The following PCP4 variants were observed in gnomAD, a reference collection of about 807,000 sequenced individuals.
PCP4 encodes the protein calmodulin regulator protein PCP4.
Under a neutral mutation model 10.0 loss-of-function variants are expected in PCP4, and 8 were observed. The ratio of observed to expected loss-of-function variants is 0.80; its 90% confidence interval spans 0.47 to 1.45. The LOEUF is 1.45. Among genes scored for constraint, PCP4 ranks in the 40% most tolerant of loss-of-function variants. The pLI, the probability that PCP4 is intolerant of heterozygous loss-of-function variation, is 0.00. For missense variants in PCP4, 54 were observed against 74.4 expected (o/e 0.73, Z 1.01); for synonymous variants, 21 against 23.0 (o/e 0.91, Z 0.24).
At chr21:39,901,382 G>A (rs528490558) in intron 2 of PCP4, among the ~76,000 whole-genome samples, 2 of 152,322 alleles carry the variant, frequency 1.3e-5, no homozygotes, top group South Asian at 4.1e-4. Context: ...TGAAGACCAG[G>A]CACATGGTGA....
At chr21:39,905,401 A>G (rs142929910) in intron 2 of PCP4, among the ~76,000 whole-genome samples, 15 of 152,328 alleles carry the variant, frequency 9.8e-5, no homozygotes, top group African/African-American at 3.6e-4. Context: ...ATGGGGAAAA[A>G]ATGACATTGG....
At chr21:39,885,900 A>G (rs1327344443) in intron 1 of PCP4, among the ~76,000 whole-genome samples, 1 of 152,256 alleles carries the variant, frequency 6.6e-6, no homozygotes, top group Non-Finnish European at 1.5e-5. Flanking sequence ...TCTGGAGACC[A>G]GAAGTTTACA....
intron 2 of PCP4, among the ~76,000 whole-genome samples, chr21:39,927,005 G>A (rs1191221925): frequency 1.3e-5 from 2 of 152,202 alleles, no homozygotes; most frequent in Non-Finnish European, 2.9e-5. Flanking sequence ...AGCATTGGCA[G>A]CAAGTTTGAA....
chr21:39,893,277 A>G (rs1051029023), intron 1 of PCP4, among the ~76,000 whole-genome samples: 2 of 152,252 alleles, frequency 1.3e-5, no homozygotes, highest in African/African-American at 4.8e-5. Flanking sequence ...AACTGTCAGG[A>G]AAATTTACTT....
intron 1 of PCP4, among the ~76,000 whole-genome samples, chr21:39,894,728 A>T (rs985818789): frequency 1.3e-5 from 2 of 152,172 alleles, no homozygotes; most frequent in African/African-American, 4.8e-5. Flanking sequence ...TTATTAGTTC[A>T]ATGATAATAA....
chr21:39,878,804 C>A lies in PCP4; in HGVS notation c.9+11294C>A, dbSNP rs187800909. On this transcript the variant is annotated intron_variant, in intron 1 of 2. Transcript: ENST00000328619. ...CTTAACCATTATATTATTGTCTTTT[C>A]TTTGAAGTTTGCTCAGGGGATGGGC... Among the ~76,000 whole-genome samples, 398 of 152,192 alleles carry A rather than the reference C, an allele frequency of 2.6e-3. 3 individuals carry two copies. The highest frequency in any genetic ancestry group is 9.1e-3 in the African/African-American group (379 of 41,524).
intron 2 of PCP4, among the ~76,000 whole-genome samples, chr21:39,903,745 G>A (rs940211797): frequency 6.6e-6 from 1 of 151,782 alleles, no homozygotes; most frequent in Admixed American, 6.6e-5. Flanking sequence ...GCGGGCGCCT[G>A]TAGTCCCAGC....
At chr21:39,909,888 C>T (rs967462151) in intron 2 of PCP4, among the ~76,000 whole-genome samples, 12 of 151,690 alleles carry the variant, frequency 7.9e-5, no homozygotes, top group Admixed American at 2.6e-4. Flanking sequence ...CTCTGCCTCC[C>T]GGGTTCAAGC....
At chr21:39,908,175 A>G (rs1480964128) in intron 2 of PCP4, among the ~76,000 whole-genome samples, 1 of 150,086 alleles carries the variant, frequency 6.7e-6, no homozygotes, top group Non-Finnish European at 1.5e-5. Flanking sequence ...GTGTAGTGTA[A>G]TTGGCTGGCT....
chr21:39,926,539 T>C (rs2087622167), intron 2 of PCP4, among the ~76,000 whole-genome samples: 1 of 152,182 alleles, frequency 6.6e-6, no homozygotes, highest in Admixed American at 6.5e-5. Context: ...GTACAGTTGA[T>C]GCAAGGATTC....
chr21:39,876,535 T>C (rs1290744229), intron 1 of PCP4, among the ~76,000 whole-genome samples: 2 of 152,150 alleles, frequency 1.3e-5, no homozygotes, highest in Admixed American at 1.3e-4. Context: ...TAATGGAACA[T>C]AAGGAACTGC....
intron 1 of PCP4, among the ~76,000 whole-genome samples, chr21:39,877,028 C>T (rs1008655592): frequency 6.6e-6 from 1 of 152,204 alleles, no homozygotes; most frequent in Non-Finnish European, 1.5e-5. Context: ...GACTGAGTGT[C>T]CAACGATGAA....
intron 2 of PCP4, among the ~76,000 whole-genome samples, chr21:39,904,877 C>T (rs1341792540): frequency 6.6e-6 from 1 of 152,136 alleles, no homozygotes; most frequent in African/African-American, 2.4e-5. Context: ...CTTAACAAGC[C>T]AAGATGAGCC....
intron 2 of PCP4, among the ~76,000 whole-genome samples, chr21:39,904,624 C>T (rs1157058141): frequency 2.0e-5 from 3 of 152,198 alleles, no homozygotes; most frequent in East Asian, 3.8e-4. Context: ...AGAGGGAATA[C>T]ACCTGCCCCT....
At chr21:39,923,788 C>T (rs548567058) in intron 2 of PCP4, among the ~76,000 whole-genome samples, 2 of 152,316 alleles carry the variant, frequency 1.3e-5, no homozygotes, top group African/African-American at 2.4e-5. Flanking sequence ...CCATACCACT[C>T]GTTTAGACGC....
At chr21:39,917,410 G>A (rs139758076) in intron 2 of PCP4, among the ~76,000 whole-genome samples, 58 of 152,280 alleles carry the variant, frequency 3.8e-4, no homozygotes, top group African/African-American at 9.9e-4. Context: ...TCACCTGTGC[G>A]GCAGACTTCC....
In PCP4 at chr21:39,907,932, C is replaced by T. The variant is rs549406698; in HGVS notation, c.61+9405C>T. Among the ~76,000 whole-genome samples the T allele has an allele frequency of 1.6e-4, 24 of 152,268 alleles. No homozygotes were observed. In the South Asian group the frequency reaches 4.1e-3, roughly 26 times the overall value. ...GCAAGAAATGCAGGGTTCCATTGTA[C>T]CAAGTGCCTTTTTCCAGTTGTTGCC... is the stretch of plus-strand genomic sequence containing the variant. On this transcript the variant is annotated intron_variant, in intron 2 of 2. Coordinates refer to ENST00000328619, the MANE Select transcript of PCP4 (RefSeq NM_006198.3).
chr21:39,927,369 CATCT>C (rs71186907), intron 2 of PCP4, among the ~76,000 whole-genome samples: 16,503 of 64,048 alleles, frequency 0.26, 1,278 homozygotes, highest in South Asian at 0.41. Context: ...ATCTATCTAT[CATCT>C]ATCTATCTAT....
chr21:39,882,926 G>A (rs150174698), intron 1 of PCP4, among the ~76,000 whole-genome samples: 78 of 152,308 alleles, frequency 5.1e-4, no homozygotes, highest in African/African-American at 7.0e-4. Flanking sequence ...CAACTTCTAC[G>A]TAGACTGTGA....
Sources: gnomAD v4.1 joint callset for allele counts (sites outside exome capture counted in the v4.1 genomes callset) on GRCh38, gnomAD v4.1.1 for gene constraint, MANE v1.5 for transcripts, NCBI Gene and HGNC (gene_info 2026-07-23, HGNC 2026-07-21) for gene names.